Variants in RTP3 observed in about 807,000 individuals in gnomAD.
The protein encoded by RTP3 is receptor-transporting protein 3.
A neutral mutation model predicts 6.2 loss-of-function variants in RTP3; 2 were observed. The ratio of observed to expected loss-of-function variants is 0.32; its 90% CI spans 0.13 to 1.02. The LOEUF is 1.02. Ranked by LOEUF, RTP3 falls within the 50% of genes least tolerant of loss-of-function variation. The probability of loss-of-function intolerance (pLI) is 0.47; values close to 1 mark genes in which losing one functional copy is unlikely to be tolerated. For synonymous variants in RTP3, 106 were observed against 98.3 expected (o/e 1.08, Z -0.47); for missense variants, 252 against 280.8 (o/e 0.90, Z 0.73).
intron 1 of RTP3, among the ~76,000 whole-genome samples, chr3:46,500,152 T>A (rs1703689651): frequency 6.6e-6 from 1 of 152,162 alleles, no homozygotes; most frequent in Non-Finnish European, 1.5e-5. Flanking sequence ...CAATTCACTG[T>A]TTTCATAGCA....
chr3:46,500,424 G>C lies in RTP3; in HGVS notation c.224G>C (p.Trp75Ser). ...GTTCTGGTCCTTTTCCACATGAACTGGAGTGAGGAGAAGTCCAGGGGCCAG... is the reference window on the plus strand; with the variant it reads ...GTTCTGGTCCTTTTCCACATGAACTCGAGTGAGGAGAAGTCCAGGGGCCAG... ...AQVLVLFHMNWSEEKSRGQVK... is the reference protein window; with the variant it reads ...AQVLVLFHMNSSEEKSRGQVK... The change falls in exon 2 of 2, where the codon TGG becomes TCG. Residue 75 changes from tryptophan to serine, a missense_variant. Trp to Ser is a radical substitution (Grantham distance 177). Coordinates refer to ENST00000296142, the MANE Select transcript of RTP3 (RefSeq NM_031440.2). 1 of 1,614,180 alleles carries C rather than the reference G, an allele frequency of 6.2e-7. No homozygotes were observed. The highest frequency in any genetic ancestry group is 1.1e-5 in the South Asian group (1 of 91,078).
chr3:46,500,464 G>A lies in RTP3; in HGVS notation c.264G>A (p.Val88=). 6.2e-7 allele frequency: 1 copy of A among 1,614,224 alleles called. No homozygotes were observed. Among genetic ancestry groups the A allele is most frequent in the Non-Finnish European group, 8.5e-7 (1 of 1,180,036 alleles). The change falls in exon 2 of 2, where the codon GTG becomes GTA. Residue 88 remains valine, a synonymous_variant. Transcript: ENST00000296142. ...CCAGGGGCCAGGTGAAGATGAGGGTGTTTACCCAGAGATGTAAGAAGTGCC... is the reference window on the plus strand; with the variant it reads ...CCAGGGGCCAGGTGAAGATGAGGGTATTTACCCAGAGATGTAAGAAGTGCC... The part of the protein sequence containing the change: ...EKSRGQVKMR[V]FTQRCKKCPQ...
chr3:46,498,372 A>T (rs79566848), intron 1 of RTP3, among the ~76,000 whole-genome samples, 155 bp downstream of exon 1: 2,759 of 152,314 alleles, frequency 0.018, 78 homozygotes, highest in African/African-American at 0.063. Flanking sequence ...TTCATTAAAG[A>T]TCGTTTTTTC....
At chr3:46,500,306 C>T (rs751711748) in intron 1 of RTP3, 50 bp from the exon 2 acceptor site, 10 of 1,532,162 alleles carry the variant, frequency 6.5e-6, no homozygotes, top group African/African-American at 4.2e-5. Context: ...GGCAGTTCCC[C>T]GTGATTTGGT....
intron 1 of RTP3, among the ~76,000 whole-genome samples, chr3:46,499,082 A>C (rs1703678050): frequency 6.6e-6 from 1 of 152,220 alleles, no homozygotes; most frequent in African/African-American, 2.4e-5. Flanking sequence ...TCTCACAGTG[A>C]TCACAGCTTC....
chr3:46,500,639 G>A lies in RTP3; in HGVS notation c.439G>A (p.Gly147Arg). The A allele has an allele frequency of 6.2e-7, 1 of 1,614,156 alleles. No individual in the cohort carries two copies. The highest frequency in any genetic ancestry group is 1.6e-4 in the Middle Eastern group (1 of 6,062). ...VPMIKDISLEGPHNSDNCEAC... is the reference protein window; with the variant it reads ...VPMIKDISLERPHNSDNCEAC... ...TATGATCAAGGACATCTCTCTTGAA[G>A]GGCCACACAATAGTGACAACTGTGA... Residue 147 changes from glycine (G) to arginine (R), a missense_variant, in exon 2 of 2, where the codon GGG becomes AGG. Gly to Arg is a moderately radical substitution (Grantham distance 125). Transcript: ENST00000296142.
chr3:46,498,107 A>G lies in RTP3; in HGVS notation c.45A>G (p.Leu15=). The G allele has an allele frequency of 6.2e-7, 1 of 1,614,168 alleles. No individual in the cohort carries two copies. The highest frequency in any genetic ancestry group is 2.2e-5 in the East Asian group (1 of 44,882). The stretch of plus-strand genomic sequence containing the variant: ...TGTGGAAGCAAATGTTTCAGGAGTT[A>G]ATGCGGGAGGTGAAGCCATGGCACA... ...TEVWKQMFQE[L]MREVKPWHRW... is the part of the protein sequence containing the mutation. The change falls in exon 1 of 2, where the codon TTA becomes TTG. Residue 15 remains leucine (L), a synonymous_variant. Coordinates refer to ENST00000296142, the MANE Select transcript of RTP3 (RefSeq NM_031440.2).
Sources: allele counts gnomAD v4.1 joint callset (sites outside exome capture counted in the v4.1 genomes callset), GRCh38; gene constraint gnomAD v4.1.1; transcripts MANE v1.5; gene names NCBI Gene and HGNC (gene_info 2026-07-23, HGNC 2026-07-21).